Variants in LIPK observed in about 807,000 individuals in gnomAD.
The protein encoded by LIPK is lipase member K.
LIPK carries 32 observed loss-of-function variants against 48.6 expected under a neutral mutation model. The ratio of observed to expected loss-of-function variants is 0.66; its 90% CI spans 0.50 to 0.88. The LOEUF is 0.88. Among genes scored for constraint, LIPK ranks in the 40% least tolerant of loss-of-function variants. The pLI, the probability that LIPK is intolerant of heterozygous loss-of-function variation, is 0.00. For missense variants in LIPK, 507 were observed against 478.5 expected (o/e 1.06, Z -0.56); for synonymous variants, 164 against 157.4 (o/e 1.04, Z -0.32).
rs1455262312 is a variant in LIPK at position 88,726,794 on chromosome 10, G to A, written c.106-1G>A. 6.8e-7 allele frequency: 1 copy of A among 1,464,668 alleles called. No homozygotes were observed. The highest frequency in any genetic ancestry group is 9.5e-7 in the Non-Finnish European group (1 of 1,049,340). The allele number at this position is 1,464,668 out of a possible 1,614,324, so 90.7% of individuals were successfully genotyped here. ...GTATATATTTCCTTTCCTCTTTTTA[G>A]AGCCAGATTATTTCTTACTGGGGTT... On this transcript the variant is annotated splice_acceptor_variant, in intron 2 of 9. Transcript: ENST00000404190. LOFTEE classifies it high-confidence loss of function.
chr10:88,751,850 T>A (rs1200523711), intron 9 of LIPK, among the ~76,000 whole-genome samples: 1 of 152,202 alleles, frequency 6.6e-6, no homozygotes, highest in Non-Finnish European at 1.5e-5. Flanking sequence ...GAGGGACCTC[T>A]GGCCCAGTTT....
chr10:88,750,407 C>T (rs995123372), intron 9 of LIPK, among the ~76,000 whole-genome samples: 1 of 152,022 alleles, frequency 6.6e-6, no homozygotes, highest in Non-Finnish European at 1.5e-5. Context: ...TCTAGATGCC[C>T]ATAAGAGGTG....
rs761463549 is a variant in LIPK, at chr10:88,740,050, A to G, written c.871A>G (p.Met291Val). 1.2e-6 allele frequency: 2 copies of G among 1,612,456 alleles called. No homozygotes were observed. Among genetic ancestry groups the G allele is most frequent in the Non-Finnish European group, 1.7e-6 (2 of 1,178,972 alleles). The part of the protein sequence containing the change: ...HNPAGTSVQN[M>V]LHWAQAVNSG... Reference sequence around the variant, plus strand: ...TCCTGCGGGAACATCTGTTCAGAATATGCTGCACTGGGCTCAGGTAAGTGC... The same window carrying G: ...TCCTGCGGGAACATCTGTTCAGAATGTGCTGCACTGGGCTCAGGTAAGTGC... The change falls in exon 8 of 10, where the codon ATG becomes GTG. Residue 291 changes from methionine to valine, a missense_variant. Transcript: ENST00000404190.
chr10:88,719,778 T>C (rs1254141542), intron 1 of LIPK, among the ~76,000 whole-genome samples: 3 of 152,182 alleles, frequency 2.0e-5, no homozygotes, highest in Admixed American at 1.3e-4. Context: ...TTATTAAGTG[T>C]TTGCTTGATG....
chr10:88,745,770 C>T (rs1842755889), intron 9 of LIPK, among the ~76,000 whole-genome samples: 1 of 152,162 alleles, frequency 6.6e-6, no homozygotes. Flanking sequence ...ATCAAATCTA[C>T]ACATATTGAT....
chr10:88,747,892 C>A (rs1842792853), intron 9 of LIPK, among the ~76,000 whole-genome samples: 1 of 152,154 alleles, frequency 6.6e-6, no homozygotes, highest in South Asian at 2.1e-4. Flanking sequence ...TTTGACCCAG[C>A]AATCCCATTA....
Position 88,737,831 on chromosome 10 carries a change from A to G in LIPK, c.816+50A>G, listed in dbSNP as rs444764. On this transcript the variant is annotated intron_variant, in intron 7 of 9. Coordinates refer to ENST00000404190, the MANE Select transcript of LIPK (RefSeq NM_001080518.2). ...GAAAACATTTGTTTTGTTGCACAGA[A>G]GTGATGAAAGTTATCCTGGATTGTA... 0.22 allele frequency: 355,540 copies of G among 1,591,990 alleles called. 40,637 individuals are homozygous for G. The highest frequency in any genetic ancestry group is 0.38 in the East Asian group (17,041 of 44,666).
rs1052246695 is a variant in LIPK, at chr10:88,748,892, C to T, written c.961-3625C>T. Among the ~76,000 whole-genome samples the T allele has an allele frequency of 2.6e-5, 4 of 151,632 alleles. No individual in the cohort carries two copies. In the South Asian group the frequency reaches 6.3e-4, roughly 24 times the overall value. ...TGATGTGATTCTATATCTAAAAAAC[C>T]CCATAGTCTCATTCTAAAGGCTCCT... On this transcript the variant is annotated intron_variant, in intron 9 of 9. Coordinates refer to ENST00000404190, the MANE Select transcript of LIPK (RefSeq NM_001080518.2).
chr10:88,726,808 C>T lies in LIPK; in HGVS notation c.119C>T (p.Ser40Phe). The change falls in exon 3 of 10, where the codon TCT (serine) becomes TTT (phenylalanine). Residue 40 changes from serine to phenylalanine, a missense_variant. By Grantham distance (155) the Ser-to-Phe change is radical. Coordinates refer to ENST00000404190, the MANE Select transcript of LIPK (RefSeq NM_001080518.2). Reference sequence around the variant, plus strand: ...TCCTCTTTTTAGAGCCAGATTATTTCTTACTGGGGTTATCCTTATGAAGAG... The same window carrying T: ...TCCTCTTTTTAGAGCCAGATTATTTTTTACTGGGGTTATCCTTATGAAGAG... ...EANMNISQII[S>F]YWGYPYEEYD... is the part of the protein sequence containing the mutation. 6.4e-7 allele frequency: 1 copy of T among 1,568,620 alleles called. No homozygotes were observed. Among genetic ancestry groups the T allele is most frequent in the Non-Finnish European group, 8.8e-7 (1 of 1,141,652 alleles).
At chr10:88,719,966 A>G (rs886227705) in intron 1 of LIPK, among the ~76,000 whole-genome samples, 1 of 152,230 alleles carries the variant, frequency 6.6e-6, no homozygotes, top group Non-Finnish European at 1.5e-5. Context: ...TTGATATACA[A>G]TATGTAAACC....
intron 1 of LIPK, among the ~76,000 whole-genome samples, chr10:88,718,795 A>C (rs977119767): frequency 9.2e-5 from 14 of 152,200 alleles, no homozygotes; most frequent in African/African-American, 3.1e-4. Context: ...TGCTCAGTCC[A>C]TGGTATATAA....
At chr10:88,741,183 A>T (rs1273343967) in intron 8 of LIPK, among the ~76,000 whole-genome samples, 1 of 152,154 alleles carries the variant, frequency 6.6e-6, no homozygotes, top group Non-Finnish European at 1.5e-5. Flanking sequence ...CCCACTCTAC[A>T]AATGTCATAG....
chr10:88,731,182 G>A lies in LIPK; in HGVS notation c.422+1G>A, dbSNP rs1245830917. The A allele has an allele frequency of 1.5e-5, 23 of 1,540,394 alleles. No individual in the cohort carries two copies. Among genetic ancestry groups the A allele is most frequent in the Non-Finnish European group, 1.9e-5 (22 of 1,146,742 alleles). Reference sequence around the variant, plus strand: ...AATCACCGGAATACTGGGCCTTCAGGTAAAGAGAAACCTATTAATGAATAA... The same window carrying A: ...AATCACCGGAATACTGGGCCTTCAGATAAAGAGAAACCTATTAATGAATAA... On this transcript the variant is annotated splice_donor_variant, in intron 4 of 9. Transcript: ENST00000404190. LOFTEE classifies it high-confidence loss of function.
chr10:88,714,624 GT>G (rs1372958478), intron 1 of LIPK, among the ~76,000 whole-genome samples: 1 of 151,980 alleles, frequency 6.6e-6, no homozygotes, highest in Non-Finnish European at 1.5e-5. Flanking sequence ...TTTAAGTTGT[GT>G]TTTTCAAGGA....
intron 9 of LIPK, among the ~76,000 whole-genome samples, chr10:88,747,296 C>T (rs2134789834): frequency 6.6e-6 from 1 of 152,260 alleles, no homozygotes; most frequent in South Asian, 2.1e-4. Context: ...ATGCCAAAAT[C>T]TGGCAGAAAC....
intron 1 of LIPK, among the ~76,000 whole-genome samples, chr10:88,720,881 T>A (rs1842210835): frequency 6.6e-6 from 1 of 151,880 alleles, no homozygotes; most frequent in Non-Finnish European, 1.5e-5. Flanking sequence ...TGATTTACAG[T>A]GATAAATCAA....
chr10:88,729,264 G>GC (rs1564981783), intron 3 of LIPK, among the ~76,000 whole-genome samples: 1 of 118,444 alleles, frequency 8.4e-6, no homozygotes, highest in African/African-American at 2.8e-5. Flanking sequence ...GGGGGGGGGG[G>GC]CGGGGGAAGA....
chr10:88,713,350 C>T (rs1366613088), intron 1 of LIPK, among the ~76,000 whole-genome samples: 1 of 151,940 alleles, frequency 6.6e-6, no homozygotes, highest in African/African-American at 2.4e-5. Flanking sequence ...GTGATAGATA[C>T]CAAAAATTAT....
chr10:88,725,269 G>T (rs894390386), intron 2 of LIPK, among the ~76,000 whole-genome samples: 7 of 152,068 alleles, frequency 4.6e-5, no homozygotes, highest in Non-Finnish European at 8.8e-5. Context: ...ATCTCTTCTT[G>T]TTCCTCTCTC....
Sources: allele counts gnomAD v4.1 joint callset (sites outside exome capture counted in the v4.1 genomes callset), GRCh38; gene constraint gnomAD v4.1.1; transcripts MANE v1.5; gene names NCBI Gene and HGNC (gene_info 2026-07-23, HGNC 2026-07-21).